The following MAML3 variants were observed in gnomAD, a reference collection of about 807,000 sequenced individuals.
MAML3 encodes the protein mastermind-like protein 3.
In MAML3, 27 loss-of-function variants were observed where a neutral mutation model predicts 101.9. The ratio of observed to expected loss-of-function variants is 0.27; its 90% CI spans 0.20 to 0.37. MAML3 has a LOEUF of 0.37. MAML3 is among the 10% of genes least tolerant of loss of function. The pLI, the probability that MAML3 is intolerant of heterozygous loss-of-function variation, is 1.00. For missense variants in MAML3, 1,316 were observed against 1,444.9 expected (o/e 0.91, Z 1.45); for synonymous variants, 501 against 555.9 (o/e 0.90, Z 1.39).
At chr4:139,749,230 C>T (rs140705941) in intron 2 of MAML3, among the ~76,000 whole-genome samples, 11 of 152,240 alleles carry the variant, frequency 7.2e-5, no homozygotes, top group African/African-American at 2.6e-4. Flanking sequence ...TCATATTTGA[C>T]CTAATGCTTT....
intron 1 of MAML3, among the ~76,000 whole-genome samples, chr4:139,962,472 C>A (rs1734038578): frequency 6.6e-6 from 1 of 152,186 alleles, no homozygotes; most frequent in Admixed American, 6.5e-5. Flanking sequence ...AGCCAGCTTT[C>A]TTTTCTCCCC....
chr4:139,818,839 A>G (rs927455239), intron 2 of MAML3, among the ~76,000 whole-genome samples: 1 of 152,212 alleles, frequency 6.6e-6, no homozygotes. Context: ...TATCAGTTCA[A>G]TTTCAAATAT....
At chr4:139,727,824 C>T (rs1382562310) in intron 3 of MAML3, among the ~76,000 whole-genome samples, 3 of 152,172 alleles carry the variant, frequency 2.0e-5, no homozygotes, top group Non-Finnish European at 4.4e-5. Context: ...TTTCAGGAAA[C>T]CCAAAATCTG....
intron 1 of MAML3, among the ~76,000 whole-genome samples, chr4:140,020,663 G>T (rs1484955005): frequency 6.6e-6 from 1 of 152,122 alleles, no homozygotes; most frequent in East Asian, 1.9e-4. Context: ...GTTTCTGAGG[G>T]AATGGAAGAG....
At chr4:139,981,714 A>G (rs915504369) in intron 1 of MAML3, among the ~76,000 whole-genome samples, 23 of 152,096 alleles carry the variant, frequency 1.5e-4, no homozygotes, top group Admixed American at 6.6e-5. Context: ...ACAGTTCCTC[A>G]GGCTTTCCTT....
chr4:140,146,818 G>A (rs949580384), intron 1 of MAML3, among the ~76,000 whole-genome samples: 1 of 151,980 alleles, frequency 6.6e-6, no homozygotes, highest in Non-Finnish European at 1.5e-5. Flanking sequence ...AACTGCTGTC[G>A]TTAGTGCCAA....
chr4:140,062,715 G>A (rs985706571), intron 1 of MAML3, among the ~76,000 whole-genome samples: 1 of 152,174 alleles, frequency 6.6e-6, no homozygotes, highest in Non-Finnish European at 1.5e-5. Flanking sequence ...CAAATAGGTA[G>A]GATGAAATGA....
At chr4:139,782,382 G>A (rs1730233844) in intron 2 of MAML3, among the ~76,000 whole-genome samples, 1 of 152,106 alleles carries the variant, frequency 6.6e-6, no homozygotes, top group South Asian at 2.1e-4. Flanking sequence ...GCCCGGGCTG[G>A]TCTTAAACTT....
At chr4:139,813,484 C>T (rs1730838864) in intron 2 of MAML3, among the ~76,000 whole-genome samples, 1 of 152,110 alleles carries the variant, frequency 6.6e-6, no homozygotes, top group Non-Finnish European at 1.5e-5. Context: ...ACCTTGGAAG[C>T]AAGAAGAAAA....
rs565269200 is a variant in MAML3, at chr4:140,042,140, T to C, written c.468+110720A>G. Among the ~76,000 whole-genome samples, 7 of 152,322 alleles carry C rather than the reference T, an allele frequency of 4.6e-5. No homozygotes were observed. In the South Asian group the frequency reaches 1.4e-3, roughly 32 times the overall value. ...GGCAGAGCTGGGATTCAAACCCAAG[T>C]ATCCGACTCCCAACCCAGCACCCAG... On this transcript the variant is annotated intron_variant, in intron 1 of 4. Transcript: ENST00000509479.
At chr4:140,106,745 T>C (rs999942341) in intron 1 of MAML3, among the ~76,000 whole-genome samples, 4 of 152,216 alleles carry the variant, frequency 2.6e-5, no homozygotes, top group African/African-American at 9.6e-5. Flanking sequence ...TGGCAACCAA[T>C]CACAGCTTGA....
chr4:139,907,007 G>A (rs950171050), intron 1 of MAML3, among the ~76,000 whole-genome samples: 6 of 152,172 alleles, frequency 3.9e-5, no homozygotes, highest in African/African-American at 1.2e-4. Flanking sequence ...ATCAAAAAGA[G>A]CTGAACAGAA....
chr4:139,932,368 A>G (rs1733418786), intron 1 of MAML3, among the ~76,000 whole-genome samples: 1 of 152,284 alleles, frequency 6.6e-6, no homozygotes, highest in South Asian at 2.1e-4. Context: ...AGTTTCATTG[A>G]TCTCAAGATT....
intron 1 of MAML3, among the ~76,000 whole-genome samples, chr4:139,912,799 C>A (rs1483150663): frequency 6.6e-6 from 1 of 152,238 alleles, no homozygotes; most frequent in Non-Finnish European, 1.5e-5. Context: ...GGATTCTCTG[C>A]AGAGTCTCAG....
In MAML3 at chr4:139,938,590, G is replaced by A. The variant is rs1212458329; in HGVS notation, c.469-47623C>T. Among the ~76,000 whole-genome samples the A allele has an allele frequency of 7.9e-5, 12 of 152,298 alleles. 1 individual carries two copies. The highest frequency in any genetic ancestry group is 6.5e-5 in the Admixed American group (1 of 15,300). On this transcript the variant is annotated intron_variant, in intron 1 of 4. Coordinates refer to ENST00000509479, the MANE Select transcript of MAML3 (RefSeq NM_018717.5). The stretch of plus-strand genomic sequence containing the variant: ...ATAGGCTTGTGGGAGTAGAGTGATG[G>A]TGGTTATGAAAGAGGATGAACTCTT...
rs1466595501 is a variant in MAML3, at chr4:140,087,608, C to T, written c.468+65252G>A. On this transcript the variant is annotated intron_variant, in intron 1 of 4. Coordinates refer to ENST00000509479, the MANE Select transcript of MAML3 (RefSeq NM_018717.5). The stretch of plus-strand genomic sequence containing the variant: ...AGATGTTTTTCCACATTTTAATCAA[C>T]GCTGGGTTTAAAACTCACATTTATT... Among the ~76,000 whole-genome samples, 4 of 152,284 alleles carry T rather than the reference C, an allele frequency of 2.6e-5. No homozygotes were observed. In the East Asian group the frequency reaches 5.8e-4, roughly 22 times the overall value.
chr4:140,117,412 T>C (rs1422210726), intron 1 of MAML3, among the ~76,000 whole-genome samples: 1 of 152,170 alleles, frequency 6.6e-6, no homozygotes, highest in Admixed American at 6.5e-5. Flanking sequence ...GTTTTATGTT[T>C]TTAAGCATAC....
At chr4:139,783,682 G>A (rs1179516851) in intron 2 of MAML3, among the ~76,000 whole-genome samples, 1 of 152,170 alleles carries the variant, frequency 6.6e-6, no homozygotes, top group African/African-American at 2.4e-5. Flanking sequence ...GCAAATCTGG[G>A]GATGCCCAAG....
intron 1 of MAML3, among the ~76,000 whole-genome samples, chr4:140,074,237 G>GAAAGAA (rs1727728041): frequency 2.3e-5 from 3 of 130,092 alleles, no homozygotes; most frequent in African/African-American, 8.1e-5. Context: ...AAGAAAGAAA[G>GAAAGAA]AAAGAAAGAA....
Sources: gnomAD v4.1 joint callset for allele counts (sites outside exome capture counted in the v4.1 genomes callset) on GRCh38, gnomAD v4.1.1 for gene constraint, MANE v1.5 for transcripts, NCBI Gene and HGNC (gene_info 2026-07-23, HGNC 2026-07-21) for gene names.